SUMO2: variants seen among roughly 807,000 people sequenced by gnomAD.
The protein encoded by SUMO2 is small ubiquitin-related modifier 2.
Under a neutral mutation model 16.0 loss-of-function variants are expected in SUMO2, and 1 was observed. The observed-to-expected ratio is 0.06, with a 90% confidence interval of 0.02 to 0.30. The LOEUF is 0.30. SUMO2 is among the 10% of genes least tolerant of loss of function. The pLI is 1.00. For synonymous variants in SUMO2, 36 were observed against 40.6 expected (o/e 0.89, Z 0.43); for missense variants, 16 against 117.5 (o/e 0.14, Z 3.99).
In SUMO2 at chr17:75,167,178, G is replaced by A. The variant is rs2074699773; in HGVS notation, c.*1161C>T. ...ACTAAAAATAGAAAAAAAATTAGCTGGGCGTGGTGGCATGCACCTATGACC... is the reference window on the plus strand; with the variant it reads ...ACTAAAAATAGAAAAAAAATTAGCTAGGCGTGGTGGCATGCACCTATGACC... On this transcript the variant is annotated 3_prime_UTR_variant, in exon 4 of 4. Coordinates refer to ENST00000420826, the MANE Select transcript of SUMO2 (RefSeq NM_006937.4). 1 of 148,230 alleles carries A rather than the reference G, an allele frequency of 6.7e-6. No individual in the cohort carries two copies. The highest frequency in any genetic ancestry group is 2.0e-4 in the East Asian group (1 of 5,008). The allele number at this position is 148,230 out of a possible 1,614,324, so 9.2% of individuals were successfully genotyped here. A position where few individuals can be genotyped will look rare whatever the true frequency, so the allele number is the denominator to read the frequency against.
At chr17:75,179,861 A>G (rs943480478) in intron 2 of SUMO2, among the ~76,000 whole-genome samples, 39 of 152,138 alleles carry the variant, frequency 2.6e-4, no homozygotes, top group African/African-American at 9.2e-4. Flanking sequence ...GGATTTTGCC[A>G]TGGTGGCCAG....
intron 1 of SUMO2, 46 bp downstream of exon 1, chr17:75,182,768 T>C: frequency 7.7e-7 from 1 of 1,301,720 alleles, no homozygotes; most frequent in Non-Finnish European, 9.8e-7. Flanking sequence ...GCCCGCGCCA[T>C]GACCCCCACC....
intron 3 of SUMO2, 45 bp downstream of exon 3, chr17:75,174,707 A>G: frequency 1.3e-6 from 2 of 1,552,692 alleles, no homozygotes; most frequent in Non-Finnish European, 1.8e-6. Flanking sequence ...AGCTGTTCAA[A>G]GAATTACAAA....
chr17:75,177,301 G>A (rs577337380), intron 2 of SUMO2, among the ~76,000 whole-genome samples: 1 of 151,604 alleles, frequency 6.6e-6, no homozygotes, highest in South Asian at 2.1e-4. Flanking sequence ...CAGGAGCAGA[G>A]GTTGCAGTGA....
chr17:75,177,988 C>CA (rs59613076), intron 2 of SUMO2, among the ~76,000 whole-genome samples: 18,701 of 66,150 alleles, frequency 0.28, 4,331 homozygotes, highest in East Asian at 0.68. Flanking sequence ...GACTCCGTCT[C>CA]AAAAAAAAAA....
At position 75,171,274 on chromosome 17, in the gene SUMO2, ATG is replaced by A. The variant is rs1420171615; in HGVS notation, c.226-2875_226-2874del. ...CTCCCAAGTAGCTGGGATTACAGGC[ATG>A]CGCCATCATGCCCAGCTAATTTTGT... On this transcript the variant is annotated intron_variant, in intron 3 of 3. Coordinates refer to ENST00000420826, the MANE Select transcript of SUMO2 (RefSeq NM_006937.4). Among the ~76,000 whole-genome samples the A allele has an allele frequency of 1.1e-3, 160 of 151,724 alleles. 1 individual carries two copies. The highest frequency in any genetic ancestry group is 1.8e-3 in the Non-Finnish European group (122 of 67,792).
intron 3 of SUMO2, among the ~76,000 whole-genome samples, chr17:75,170,101 C>T (rs2074725444): frequency 6.6e-6 from 1 of 151,366 alleles, no homozygotes; most frequent in Non-Finnish European, 1.5e-5. Context: ...CACTTGAACC[C>T]AGGAGGTGGA....
intron 2 of SUMO2, 125 bp downstream of exon 2, chr17:75,180,932 G>T (rs777145576): frequency 1.9e-5 from 21 of 1,088,350 alleles, no homozygotes; most frequent in Middle Eastern, 3.1e-4. Flanking sequence ...CAAAACTGAC[G>T]TGCCAAGTGC....
At chr17:75,180,963 T>C (rs987804230) in intron 2 of SUMO2, 94 bp downstream of exon 2, 37 of 1,463,646 alleles carry the variant, frequency 2.5e-5, no homozygotes, top group Admixed American at 3.8e-5. Context: ...CATCAAAAAG[T>C]CACTGTAATG....
intron 3 of SUMO2, among the ~76,000 whole-genome samples, chr17:75,170,945 G>A (rs549958219): frequency 6.4e-4 from 97 of 150,440 alleles, no homozygotes; most frequent in Non-Finnish European, 3.4e-4. Context: ...TTCATGTACA[G>A]AAATGAAAAT....
Position 75,172,325 on chromosome 17 carries a change from C to CT in SUMO2, c.225+2426dup, listed in dbSNP as rs71361663. ...ACAGTCGTGAGCTACTGTACCCAGA[C>CT]TTTTTTTTTTTTTTTTTTGAGACAG... On this transcript the variant is annotated intron_variant, in intron 3 of 3. Coordinates refer to ENST00000420826, the MANE Select transcript of SUMO2 (RefSeq NM_006937.4). Among the ~76,000 whole-genome samples the CT allele has an allele frequency of 1.7e-3, 190 of 109,402 alleles. 3 individuals are homozygous for CT. Among genetic ancestry groups the CT allele is most frequent in the African/African-American group, 5.4e-3 (142 of 26,508 alleles). 71.8% of individuals were successfully genotyped at this position (109,402 alleles called of 152,430 possible). A position where few individuals can be genotyped will look rare whatever the true frequency, so the allele number is the denominator to read the frequency against.
chr17:75,176,960 A>G (rs1479418935), intron 2 of SUMO2, among the ~76,000 whole-genome samples: 1 of 151,946 alleles, frequency 6.6e-6, no homozygotes, highest in African/African-American at 2.4e-5. Flanking sequence ...GAGGTGGAAG[A>G]TCACCTGAGG....
At chr17:75,181,628 C>T (rs955080869) in intron 1 of SUMO2, among the ~76,000 whole-genome samples, 96 of 152,162 alleles carry the variant, frequency 6.3e-4, no homozygotes, top group African/African-American at 2.2e-3. Flanking sequence ...AACTCATTAC[C>T]GTTGTCATTA....
chr17:75,166,786 A>T lies in SUMO2; in HGVS notation c.*1553T>A, dbSNP rs1395118363. On this transcript the variant is annotated 3_prime_UTR_variant, in exon 4 of 4. Transcript: ENST00000420826. The stretch of plus-strand genomic sequence containing the variant: ...AGGCAACAGAGGCATAACCTCTTTC[A>T]AAAAGACCTAAGACGGGAGGCTGAG... 1 of 149,962 alleles carries T rather than the reference A, an allele frequency of 6.7e-6. No homozygotes were observed. The highest frequency in any genetic ancestry group is 2.5e-5 in the African/African-American group (1 of 40,644). The allele number at this position is 149,962 out of a possible 1,614,324, so 9.3% of individuals were successfully genotyped here.
rs17850328 is a variant in SUMO2, at chr17:75,181,164, C to T, written c.46G>A (p.Asp16Asn). 6.2e-7 allele frequency: 1 copy of T among 1,613,872 alleles called. No individual in the cohort carries two copies. The highest frequency in any genetic ancestry group is 8.5e-7 in the Non-Finnish European group (1 of 1,179,906). Reference protein sequence around the residue: ...PKEGVKTENNDHINLKVAGQD... With the variant: ...PKEGVKTENNNHINLKVAGQD... Reference sequence around the variant, plus strand: ...CCCGCCACCTTCAAATTAATATGATCGTTGTTCTCAGTCTTGACTCCTTCC... The same window carrying T: ...CCCGCCACCTTCAAATTAATATGATTGTTGTTCTCAGTCTTGACTCCTTCC... The change falls in exon 2 of 4, where the codon GAT becomes AAT. Residue 16 changes from aspartate (D) to asparagine (N), a missense_variant. Transcript: ENST00000420826.
At chr17:75,172,517 G>A (rs559358070) in intron 3 of SUMO2, among the ~76,000 whole-genome samples, 11 of 138,304 alleles carry the variant, frequency 8.0e-5, no homozygotes, top group Admixed American at 2.3e-4. Context: ...AGTTTCGCTC[G>A]TTACCCATGC....
chr17:75,181,241 T>G (rs2074826265), intron 1 of SUMO2, 53 bp from the exon 2 acceptor site: 9 of 1,592,434 alleles, frequency 5.7e-6, no homozygotes, highest in African/African-American at 1.3e-5. Context: ...AACGAACACG[T>G]TTTATAAAGC....
intron 3 of SUMO2, among the ~76,000 whole-genome samples, chr17:75,172,111 C>T (rs56156468): frequency 0.035 from 5,359 of 151,418 alleles, 161 homozygotes; most frequent in Non-Finnish European, 0.054. Context: ...TGACACCTTT[C>T]CCCCGCCCAG....
At chr17:75,175,181 T>G (rs1365723103) in intron 2 of SUMO2, among the ~76,000 whole-genome samples, 2 of 152,012 alleles carry the variant, frequency 1.3e-5, no homozygotes, top group African/African-American at 2.4e-5. Context: ...CTGGGTTTCA[T>G]CAGGTTGGCC....
Sources: allele counts gnomAD v4.1 joint callset (sites outside exome capture counted in the v4.1 genomes callset), GRCh38; gene constraint gnomAD v4.1.1; transcripts MANE v1.5; gene names NCBI Gene and HGNC (gene_info 2026-07-23, HGNC 2026-07-21).